The following CDK17 variants were observed in gnomAD, a reference collection of about 807,000 sequenced individuals.
CDK17 encodes cyclin dependent kinase 17, also known as cyclin-dependent kinase 17.
CDK17 carries 24 observed loss-of-function variants against 77.6 expected under a neutral mutation model. That is an observed-to-expected ratio of 0.31 (90% CI 0.22 to 0.44). CDK17 has a LOEUF of 0.44. CDK17 is among the 20% of genes least tolerant of loss of function. The probability of loss-of-function intolerance (pLI) is 1.00; values close to 1 mark genes in which losing one functional copy is unlikely to be tolerated. For missense variants in CDK17, 429 were observed against 622.5 expected (o/e 0.69, Z 3.31); for synonymous variants, 203 against 210.4 (o/e 0.96, Z 0.30).
At chr12:96,364,807 G>A (rs901680823) in intron 1 of CDK17, among the ~76,000 whole-genome samples, 1 of 152,064 alleles carries the variant, frequency 6.6e-6, no homozygotes, top group Non-Finnish European at 1.5e-5. Flanking sequence ...CAAAATTACT[G>A]GGCTGGGAAT....
intron 2 of CDK17, 61 bp from the exon 3 acceptor site, chr12:96,324,173 G>A: frequency 7.4e-7 from 1 of 1,352,038 alleles, no homozygotes; most frequent in Non-Finnish European, 9.9e-7. Flanking sequence ...GATCACATGA[G>A]AAGGATTCAG....
At chr12:96,334,940 C>CT in intron 1 of CDK17, 75 bp from the exon 2 acceptor site, 1 of 705,406 alleles carries the variant, frequency 1.4e-6, no homozygotes, top group Non-Finnish European at 2.5e-6. Context: ...CCTGGGTTTA[C>CT]TGGAAATCTT....
intron 1 of CDK17, among the ~76,000 whole-genome samples, chr12:96,381,110 C>T (rs534303123): frequency 2.6e-4 from 39 of 152,222 alleles, no homozygotes; most frequent in African/African-American, 9.4e-4. Context: ...CACAAATAAA[C>T]TAATACACTC....
chr12:96,288,241 C>T (rs759045881), intron 11 of CDK17, among the ~76,000 whole-genome samples: 6 of 152,012 alleles, frequency 3.9e-5, no homozygotes, highest in Admixed American at 2.0e-4. Context: ...AGACATTTTA[C>T]ATAAACTGTT....
intron 10 of CDK17, among the ~76,000 whole-genome samples, chr12:96,292,470 G>T (rs1952338486): frequency 6.6e-6 from 1 of 151,988 alleles, no homozygotes; most frequent in South Asian, 2.1e-4. Context: ...GCTGGGCGTG[G>T]TGGGCACCCC....
At chr12:96,378,500 G>A (rs1235963493) in intron 1 of CDK17, among the ~76,000 whole-genome samples, 2 of 152,166 alleles carry the variant, frequency 1.3e-5, no homozygotes, top group East Asian at 3.8e-4. Context: ...TCTCCACAAA[G>A]GCCTGGTTCC....
chr12:96,379,088 C>G (rs1288524072), intron 1 of CDK17, among the ~76,000 whole-genome samples: 1 of 152,110 alleles, frequency 6.6e-6, no homozygotes, highest in African/African-American at 2.4e-5. Context: ...AGCATAAATA[C>G]ATACTATGAG....
chr12:96,332,946 T>C (rs1007060891), intron 2 of CDK17, among the ~76,000 whole-genome samples: 2 of 152,224 alleles, frequency 1.3e-5, no homozygotes, highest in Admixed American at 6.5e-5. Flanking sequence ...AGCTAAAACA[T>C]ACGTTCATTT....
chr12:96,361,649 G>T (rs114661907), intron 1 of CDK17, among the ~76,000 whole-genome samples: 1 of 151,852 alleles, frequency 6.6e-6, no homozygotes, highest in African/African-American at 2.4e-5. Context: ...CCAAAATAAC[G>T]GTATCTATTT....
chr12:96,285,186 A>G (rs1952231067), intron 13 of CDK17, among the ~76,000 whole-genome samples: 2 of 152,210 alleles, frequency 1.3e-5, no homozygotes, highest in Admixed American at 6.5e-5. Context: ...AGACATGCAA[A>G]AAAAGCCCAG....
chr12:96,294,686 A>T (rs1412049325), intron 10 of CDK17, among the ~76,000 whole-genome samples: 3 of 151,906 alleles, frequency 2.0e-5, no homozygotes, highest in Non-Finnish European at 4.4e-5. Context: ...GCAAATATTA[A>T]CACAGTGAAA....
At chr12:96,309,790 A>G (rs1395810733) in intron 5 of CDK17, among the ~76,000 whole-genome samples, 3 of 152,228 alleles carry the variant, frequency 2.0e-5, no homozygotes, top group Non-Finnish European at 4.4e-5. Flanking sequence ...TAAAACCAAG[A>G]GACCACTATC....
At position 96,311,103 on chromosome 12, in the gene CDK17, G is replaced by A. The variant is rs765018192; in HGVS notation, c.492C>T (p.Asn164=). ...TCATTGGTTGGTCAAATGGTGGACT[G>A]TTTATCTGCAACTTTTCAAGATATC... is the stretch of plus-strand genomic sequence containing the variant. The part of the protein sequence containing the change: ...PDGYLEKLQI[N]SPPFDQPMSR... The change falls in exon 5 of 17, where the codon AAC becomes AAT. Residue 164 remains asparagine, a synonymous_variant. Transcript: ENST00000261211. 6.2e-7 allele frequency: 1 copy of A among 1,600,180 alleles called. No homozygotes were observed.
rs777249074 is a variant in CDK17 at position 96,286,144 on chromosome 12, A to G, written c.1221T>C (p.Thr407=). 6.3e-6 allele frequency: 8 copies of G among 1,272,978 alleles called. No homozygotes were observed. The highest frequency in any genetic ancestry group is 8.3e-6 in the Non-Finnish European group (8 of 963,040). The allele number at this position is 1,272,978 out of a possible 1,614,324, so 78.9% of individuals were successfully genotyped here. Residue 407 remains threonine (T), a synonymous_variant, in exon 13 of 17, where the codon ACT becomes ACC. Coordinates refer to ENST00000261211, the MANE Select transcript of CDK17 (RefSeq NM_002595.5). ...ELHLIFRLLG[T]PSQETWPGIS... is the part of the protein sequence containing the mutation. ...TACCTGGCCAAGTTTCCTGAGATGGAGTTCCTGAATTAAAAAAAAAAATTA... is the reference window on the plus strand; with the variant it reads ...TACCTGGCCAAGTTTCCTGAGATGGGGTTCCTGAATTAAAAAAAAAAATTA...
At chr12:96,323,901 G>A in intron 3 of CDK17, 47 bp downstream of exon 3, 1 of 1,369,904 alleles carries the variant, frequency 7.3e-7, no homozygotes, top group South Asian at 1.6e-5. Context: ...CTATGTGCAT[G>A]ACGTATAATC....
At chr12:96,398,402 AT>A (rs76635780) in intron 1 of CDK17, among the ~76,000 whole-genome samples, 8,047 of 152,312 alleles carry the variant, frequency 0.053, 267 homozygotes, top group East Asian at 0.12. Flanking sequence ...TCATAAAAAA[AT>A]GAAACAAAAC....
chr12:96,386,650 C>T (rs1051010272), intron 1 of CDK17, among the ~76,000 whole-genome samples: 1 of 151,996 alleles, frequency 6.6e-6, no homozygotes, highest in Non-Finnish European at 1.5e-5. Flanking sequence ...AGAAAGAGGC[C>T]TTGTCTCAAA....
intron 5 of CDK17, among the ~76,000 whole-genome samples, chr12:96,309,645 T>C (rs995474331): frequency 3.3e-5 from 5 of 151,750 alleles, no homozygotes; most frequent in African/African-American, 7.2e-5. Context: ...GAAAACCCAA[T>C]AGAAAAAAGA....
chr12:96,291,628 CTTTTTTTTT>C (rs1164677307), intron 10 of CDK17, among the ~76,000 whole-genome samples: 4 of 117,776 alleles, frequency 3.4e-5, no homozygotes, highest in Admixed American at 9.2e-5. Context: ...ATTCCTTTTG[CTTTTTTTTT>C]TTTTTTTTTT....
Sources: gnomAD v4.1 joint callset for allele counts (sites outside exome capture counted in the v4.1 genomes callset) on GRCh38, gnomAD v4.1.1 for gene constraint, MANE v1.5 for transcripts, NCBI Gene and HGNC (gene_info 2026-07-23, HGNC 2026-07-21) for gene names.